The following UBXN7 variants were observed in gnomAD, a reference collection of about 807,000 sequenced individuals.
The protein encoded by UBXN7 is UBX domain protein 7, also known as UBX domain-containing protein 7.
A neutral mutation model predicts 58.0 loss-of-function variants in UBXN7; 9 were observed. The observed-to-expected ratio is 0.16, with a 90% CI of 0.09 to 0.27. UBXN7 has a LOEUF of 0.27. Ranked by LOEUF, UBXN7 falls within the 10% of genes least tolerant of loss-of-function variation. The probability of loss-of-function intolerance (pLI) is 1.00; values close to 1 mark genes in which losing one functional copy is unlikely to be tolerated. For synonymous variants in UBXN7, 208 were observed against 205.0 expected, an observed-to-expected ratio of 1.01 and a Z score of -0.12; for missense variants, 328 against 599.6, an observed-to-expected ratio of 0.55 and a Z score of 4.73.
At chr3:196,418,811 C>G (rs1048603175) in intron 1 of UBXN7, among the ~76,000 whole-genome samples, 3 of 152,168 alleles carry the variant, frequency 2.0e-5, no homozygotes, top group African/African-American at 7.2e-5. Context: ...GAAGTAACAA[C>G]TGTAATATTT....
At chr3:196,417,136 AC>A (rs1225441098) in intron 1 of UBXN7, among the ~76,000 whole-genome samples, 21 of 152,046 alleles carry the variant, frequency 1.4e-4, no homozygotes, top group Non-Finnish European at 2.4e-4. Flanking sequence ...ACACGGTGAA[AC>A]CCCGTCTCTA....
rs759555653 is a variant in UBXN7 at position 196,362,600 on chromosome 3, T to C, written c.922A>G (p.Thr308Ala). ...LQETHFDSTQ[T>A]KQDSRSDEES... ...TCATCTGAGCGGCTATCCTGTTTTGTCTGTGTTGAATCAAAATGTGTTTCT... is the reference window on the plus strand; with the variant it reads ...TCATCTGAGCGGCTATCCTGTTTTGCCTGTGTTGAATCAAAATGTGTTTCT... Residue 308 changes from threonine (T) to alanine (A), a missense_variant, in exon 9 of 11, where the codon ACA becomes GCA. Physicochemically the swap from Thr to Ala is moderately conservative, Grantham distance 58 (BLOSUM62 0). Coordinates refer to ENST00000296328, the MANE Select transcript of UBXN7 (RefSeq NM_015562.2). 6 of 1,614,214 alleles carry C rather than the reference T, an allele frequency of 3.7e-6. No homozygotes were observed. The highest frequency in any genetic ancestry group is 5.1e-6 in the Non-Finnish European group (6 of 1,180,046).
intron 8 of UBXN7, among the ~76,000 whole-genome samples, chr3:196,366,584 A>AAATAC (rs1036018750): frequency 3.3e-5 from 5 of 151,826 alleles, no homozygotes; most frequent in Non-Finnish European, 5.9e-5. Flanking sequence ...ACAATACAAT[A>AAATAC]AATACAATAC....
chr3:196,406,156 C>T (rs540879907), intron 2 of UBXN7, among the ~76,000 whole-genome samples: 26 of 152,058 alleles, frequency 1.7e-4, no homozygotes, highest in African/African-American at 2.9e-4. Context: ...TCTCAGCCTG[C>T]CAAGTAGCTG....
chr3:196,384,510 T>A lies in UBXN7; in HGVS notation c.468+7303A>T, dbSNP rs1451921738. On this transcript the variant is annotated intron_variant, in intron 5 of 10. Transcript: ENST00000296328. ...GAGACACAACAAAAAAGGAGAATTT[T>A]AGACCAATATCCCTGATGAACATTG... Among the ~76,000 whole-genome samples the A allele has an allele frequency of 2.0e-5, 3 of 151,464 alleles. No individual in the cohort carries two copies. In the East Asian group the frequency reaches 5.8e-4, roughly 29 times the overall value.
chr3:196,364,401 A>G (rs1356062398), intron 8 of UBXN7, among the ~76,000 whole-genome samples: 1 of 152,192 alleles, frequency 6.6e-6, no homozygotes, highest in African/African-American at 2.4e-5. Context: ...TCTTTTAAAT[A>G]TATATGCCAG....
intron 1 of UBXN7, chr3:196,431,771 C>T (rs1327510201): frequency 6.7e-6 from 3 of 447,152 alleles, no homozygotes; most frequent in Admixed American, 2.4e-5. Context: ...TGTAAAGGCA[C>T]GGCCGAACCC....
At position 196,411,346 on chromosome 3, in the gene UBXN7, CACT is replaced by C. The variant is rs546041284; in HGVS notation, c.74-3956_74-3954del. ...AGAGGGAGTAGGCCTTAGTCAAAAC[CACT>C]GGCAACCCTTTTATAACAATTTAAT... On this transcript the variant is annotated intron_variant, in intron 1 of 10. Transcript: ENST00000296328. Among the ~76,000 whole-genome samples the C allele has an allele frequency of 1.7e-4, 26 of 152,320 alleles. No individual in the cohort carries two copies. The East Asian group carries it at 5.0e-3, about 29-fold the overall frequency.
intron 5 of UBXN7, among the ~76,000 whole-genome samples, chr3:196,376,192 A>T (rs1235940244): frequency 1.3e-5 from 2 of 152,222 alleles, no homozygotes; most frequent in East Asian, 3.8e-4. Context: ...CTAAATTTCA[A>T]TGATTTGTCT....
At chr3:196,404,212 T>C (rs918507038) in intron 2 of UBXN7, among the ~76,000 whole-genome samples, 1 of 152,110 alleles carries the variant, frequency 6.6e-6, no homozygotes, top group Admixed American at 6.6e-5. Flanking sequence ...CTTATAAGTA[T>C]TATTATATAA....
intron 5 of UBXN7, among the ~76,000 whole-genome samples, chr3:196,385,987 C>T (rs1209978750): frequency 2.0e-5 from 3 of 152,004 alleles, no homozygotes; most frequent in East Asian, 1.9e-4. Flanking sequence ...ACTGTGTCTG[C>T]GTAGAAAGAG....
At chr3:196,425,023 C>T (rs1453374349) in intron 1 of UBXN7, among the ~76,000 whole-genome samples, 1 of 152,024 alleles carries the variant, frequency 6.6e-6, no homozygotes, top group African/African-American at 2.4e-5. Flanking sequence ...ACTTTAACTG[C>T]CATGAATATG....
chr3:196,419,350 T>C (rs1730605241), intron 1 of UBXN7, among the ~76,000 whole-genome samples: 1 of 152,046 alleles, frequency 6.6e-6, no homozygotes, highest in South Asian at 2.1e-4. Flanking sequence ...ACTTCCATCT[T>C]TGGAGTCTGT....
At chr3:196,395,308 C>G (rs898249090) in intron 3 of UBXN7, among the ~76,000 whole-genome samples, 1 of 152,110 alleles carries the variant, frequency 6.6e-6, no homozygotes, top group Non-Finnish European at 1.5e-5. Flanking sequence ...AAAAAATGCA[C>G]AACATATTAA....
intron 1 of UBXN7, among the ~76,000 whole-genome samples, chr3:196,409,058 T>C (rs956850674): frequency 6.6e-6 from 1 of 152,178 alleles, no homozygotes; most frequent in Non-Finnish European, 1.5e-5. Context: ...CTCTAACCCT[T>C]ATGTCTCAAC....
chr3:196,430,279 C>T (rs112792658), intron 1 of UBXN7, among the ~76,000 whole-genome samples: 1,852 of 151,928 alleles, frequency 0.012, 40 homozygotes, highest in African/African-American at 0.042. Context: ...CGCTTGAACC[C>T]GGGAGGTGGA....
At chr3:196,423,326 T>C (rs1262468724) in intron 1 of UBXN7, 1 of 159,224 alleles carries the variant, frequency 6.3e-6, no homozygotes. Flanking sequence ...TATAAGAACA[T>C]TGGCAACAAG....
chr3:196,382,805 A>C (rs1378895184), intron 5 of UBXN7, among the ~76,000 whole-genome samples: 1 of 152,154 alleles, frequency 6.6e-6, no homozygotes, highest in Non-Finnish European at 1.5e-5. Context: ...TCTACCAAGC[A>C]AATGGAAAGC....
At chr3:196,424,383 A>ATTTTT (rs869183431) in intron 1 of UBXN7, among the ~76,000 whole-genome samples, 1 of 104,904 alleles carries the variant, frequency 9.5e-6, no homozygotes, top group African/African-American at 3.6e-5. Flanking sequence ...TCTTTTCCTA[A>ATTTTT]TTTTTTTTTT....
Sources: gnomAD v4.1 joint callset for allele counts (sites outside exome capture counted in the v4.1 genomes callset) on GRCh38, gnomAD v4.1.1 for gene constraint, MANE v1.5 for transcripts, NCBI Gene and HGNC (gene_info 2026-07-23, HGNC 2026-07-21) for gene names.